MECOM: variants seen among roughly 807,000 people sequenced by gnomAD.
MECOM encodes MDS1 and EVI1 complex locus.
A neutral mutation model predicts 116.3 loss-of-function variants in MECOM; 13 were observed. That is an observed-to-expected ratio of 0.11 (90% CI 0.07 to 0.18). The LOEUF is 0.18. MECOM is among the 10% of genes least tolerant of loss of function. The pLI, the probability that MECOM is intolerant of heterozygous loss-of-function variation, is 1.00. For missense variants in MECOM, 1,299 were observed against 1,509.0 expected (o/e 0.86, Z 2.31); for synonymous variants, 528 against 535.2 (o/e 0.99, Z 0.19).
At chr3:169,450,920 G>A (rs1231016374) in intron 1 of MECOM, among the ~76,000 whole-genome samples, 1 of 152,122 alleles carries the variant, frequency 6.6e-6, no homozygotes, top group Non-Finnish European at 1.5e-5. Context: ...TTATAATCCA[G>A]AATATGGCAT....
chr3:169,598,370 G>A (rs1379252281), intron 1 of MECOM, among the ~76,000 whole-genome samples: 1 of 152,072 alleles, frequency 6.6e-6, no homozygotes, highest in East Asian at 1.9e-4. Flanking sequence ...TTATAAAACT[G>A]GCTGAAAATT....
At chr3:169,149,188 A>G (rs1277994530) in intron 2 of MECOM, among the ~76,000 whole-genome samples, 1 of 147,258 alleles carries the variant, frequency 6.8e-6, no homozygotes, top group Non-Finnish European at 1.5e-5. Flanking sequence ...TGCATTGTGT[A>G]TTAAATACAA....
intron 1 of MECOM, among the ~76,000 whole-genome samples, chr3:169,417,993 A>G (rs1488152279): frequency 6.6e-6 from 1 of 151,688 alleles, no homozygotes; most frequent in Admixed American, 6.6e-5. Flanking sequence ...GCATTAGGAG[A>G]TATACCTAAT....
At chr3:169,097,428 A>G (rs1356226789) in intron 12 of MECOM, among the ~76,000 whole-genome samples, 2 of 152,136 alleles carry the variant, frequency 1.3e-5, no homozygotes, top group Non-Finnish European at 2.9e-5. Flanking sequence ...AAACGAACAC[A>G]TAACACAGTC....
At chr3:169,290,608 T>C (rs1215510727) in intron 2 of MECOM, among the ~76,000 whole-genome samples, 1 of 152,134 alleles carries the variant, frequency 6.6e-6, no homozygotes, top group African/African-American at 2.4e-5. Context: ...TCAGATGCTG[T>C]GGATGCAAGT....
intron 2 of MECOM, among the ~76,000 whole-genome samples, chr3:169,240,131 A>G (rs1273824379): frequency 6.6e-6 from 1 of 152,224 alleles, no homozygotes; most frequent in Non-Finnish European, 1.5e-5. Flanking sequence ...TGATTATAGA[A>G]TGTCTGAATA....
chr3:169,226,813 A>G (rs2149511754), intron 2 of MECOM, among the ~76,000 whole-genome samples: 1 of 152,372 alleles, frequency 6.6e-6, no homozygotes, highest in African/African-American at 2.4e-5. Context: ...GCTGAATCTC[A>G]GAACTTCATT....
At chr3:169,231,426 T>A (rs1463495457) in intron 2 of MECOM, among the ~76,000 whole-genome samples, 2 of 152,084 alleles carry the variant, frequency 1.3e-5, no homozygotes, top group African/African-American at 4.8e-5. Context: ...AACAAGTAAA[T>A]GTAAATAAAC....
At chr3:169,462,103 A>G (rs1645013952) in intron 1 of MECOM, among the ~76,000 whole-genome samples, 1 of 152,120 alleles carries the variant, frequency 6.6e-6, no homozygotes, top group African/African-American at 2.4e-5. Flanking sequence ...TGTAAATTTT[A>G]GACACCTCTG....
In MECOM at chr3:169,469,115, C is replaced by CACTGAACAGATTATAA. The variant is rs1320690600; in HGVS notation, c.38-87592_38-87591insTTATAATCTGTTCAGT. Among the ~76,000 whole-genome samples the CACTGAACAGATTATAA allele has an allele frequency of 7.6e-3, 1,159 of 152,236 alleles. 9 individuals carry two copies. Among genetic ancestry groups the CACTGAACAGATTATAA allele is most frequent in the African/African-American group, 0.027 (1,105 of 41,524 alleles). On this transcript the variant is annotated intron_variant, in intron 1 of 16. Coordinates refer to ENST00000651503, the MANE Select transcript of MECOM (RefSeq NM_004991.4). Reference sequence around the variant, plus strand: ...TAGTCAAATTCCATAAGGGGAGGAGCCAGATTATAACAGAAGTGCACTGAA... The same window carrying CACTGAACAGATTATAA: ...TAGTCAAATTCCATAAGGGGAGGAGCACTGAACAGATTATAACAGATTATAACAGAAGTGCACTGAA...
chr3:169,191,727 AG>A (rs1297180727), intron 2 of MECOM, among the ~76,000 whole-genome samples: 1 of 32,550 alleles, frequency 3.1e-5, no homozygotes, highest in Non-Finnish European at 9.0e-5. Flanking sequence ...AAAAAAAGAA[AG>A]AAAGAAAGAA....
chr3:169,523,697 G>C (rs1757621142), intron 1 of MECOM, among the ~76,000 whole-genome samples: 1 of 151,916 alleles, frequency 6.6e-6, no homozygotes, highest in Non-Finnish European at 1.5e-5. Context: ...GAACCCCTAA[G>C]TTGCCAAATT....
At position 169,225,768 on chromosome 3, in the gene MECOM, C is replaced by T. The variant is rs555749948; in HGVS notation, c.376-81936G>A. On this transcript the variant is annotated intron_variant, in intron 2 of 16. Coordinates refer to ENST00000651503, the MANE Select transcript of MECOM (RefSeq NM_004991.4). ...GGGACTACAGGCATGCACCACCACG[C>T]CTGGATAATTTTTGTATTTTTAGTA... is the stretch of plus-strand genomic sequence containing the variant. Among the ~76,000 whole-genome samples the T allele has an allele frequency of 2.3e-4, 35 of 152,284 alleles. No homozygotes were observed. The South Asian group carries it at 7.1e-3, about 31-fold the overall frequency.
chr3:169,235,880 A>T (rs1234657965), intron 2 of MECOM, among the ~76,000 whole-genome samples: 1 of 152,074 alleles, frequency 6.6e-6, no homozygotes, highest in Non-Finnish European at 1.5e-5. Context: ...AAAAAAAAAA[A>T]AAAAGGGACA....
intron 3 of MECOM, among the ~76,000 whole-genome samples, chr3:169,134,606 C>T (rs775031299): frequency 3.3e-5 from 5 of 152,142 alleles, no homozygotes; most frequent in Non-Finnish European, 5.9e-5. Flanking sequence ...TTTGCCATAC[C>T]CTTACCAAGC....
chr3:169,169,335 G>A (rs1744066392), intron 2 of MECOM, among the ~76,000 whole-genome samples: 1 of 152,134 alleles, frequency 6.6e-6, no homozygotes, highest in Non-Finnish European at 1.5e-5. Flanking sequence ...AAGAAAATCA[G>A]TCTTCGCAGT....
chr3:169,612,364 T>C (rs1769391222), intron 1 of MECOM, among the ~76,000 whole-genome samples: 1 of 152,174 alleles, frequency 6.6e-6, no homozygotes, highest in Non-Finnish European at 1.5e-5. Flanking sequence ...GCTGAGATTT[T>C]ACAAAAAAAT....
intron 1 of MECOM, among the ~76,000 whole-genome samples, chr3:169,479,699 A>G (rs1398563513): frequency 6.6e-6 from 1 of 150,548 alleles, no homozygotes; most frequent in Non-Finnish European, 1.5e-5. Flanking sequence ...CTCAGGCACA[A>G]ATTTAGAAAG....
chr3:169,113,037 A>G (rs1727949672), intron 8 of MECOM, among the ~76,000 whole-genome samples, 163 bp from the exon 9 acceptor site: 1 of 152,150 alleles, frequency 6.6e-6, no homozygotes, highest in South Asian at 2.1e-4. Context: ...GAGATTCCTC[A>G]TGACACTTCT....
Sources: gnomAD v4.1 joint callset for allele counts (sites outside exome capture counted in the v4.1 genomes callset) on GRCh38, gnomAD v4.1.1 for gene constraint, MANE v1.5 for transcripts, NCBI Gene and HGNC (gene_info 2026-07-23, HGNC 2026-07-21) for gene names.